The following HECW1 variants were observed in gnomAD, a reference collection of about 807,000 sequenced individuals.
HECW1 encodes HECT, C2 and WW domain containing E3 ubiquitin protein ligase 1, also known as E3 ubiquitin-protein ligase HECW1.
In HECW1, 61 loss-of-function variants were observed where a neutral mutation model predicts 182.3. That is an observed-to-expected ratio of 0.33 (90% CI 0.27 to 0.41). The LOEUF is 0.41. Ranked by LOEUF, HECW1 falls within the 10% of genes least tolerant of loss-of-function variation. The pLI, the probability that HECW1 is intolerant of heterozygous loss-of-function variation, is 1.00. For synonymous variants in HECW1, 859 were observed against 832.6 expected, an observed-to-expected ratio of 1.03 and a Z score of -0.55; for missense variants, 1,739 against 2,108.9, an observed-to-expected ratio of 0.82 and a Z score of 3.44.
At chr7:43,396,441 C>G (rs2075234460) in intron 6 of HECW1, among the ~76,000 whole-genome samples, 1 of 152,166 alleles carries the variant, frequency 6.6e-6, no homozygotes, top group Admixed American at 6.5e-5. Context: ...ATTATAATTA[C>G]AATAGTAAAC....
At chr7:43,527,595 C>T (rs1197935812) in intron 24 of HECW1, among the ~76,000 whole-genome samples, 2 of 152,134 alleles carry the variant, frequency 1.3e-5, no homozygotes, top group Non-Finnish European at 2.9e-5. Context: ...ATTATATCTT[C>T]AAAGACTCCT....
intron 3 of HECW1, among the ~76,000 whole-genome samples, chr7:43,275,937 A>G (rs1337475938): frequency 2.0e-5 from 3 of 152,184 alleles, no homozygotes; most frequent in African/African-American, 7.2e-5. Context: ...TTTTGTGGTT[A>G]AAATTGTTTC....
intron 5 of HECW1, among the ~76,000 whole-genome samples, chr7:43,351,676 T>C (rs1438545512): frequency 6.9e-6 from 1 of 145,370 alleles, no homozygotes; most frequent in African/African-American, 2.5e-5. Context: ...TTTTTCTTTC[T>C]TCTTTTTTTT....
At chr7:43,428,245 T>C (rs2076424051) in intron 8 of HECW1, among the ~76,000 whole-genome samples, 1 of 152,350 alleles carries the variant, frequency 6.6e-6, no homozygotes, top group African/African-American at 2.4e-5. Flanking sequence ...TGGTGTGAGT[T>C]GGGCTTTGAG....
intron 24 of HECW1, among the ~76,000 whole-genome samples, chr7:43,535,936 A>C (rs909439466): frequency 1.1e-4 from 16 of 152,228 alleles, no homozygotes; most frequent in Non-Finnish European, 2.4e-4. Context: ...GATACCAAAA[A>C]CAAAAACTTG....
At chr7:43,319,601 CT>C (rs796502195) in intron 4 of HECW1, among the ~76,000 whole-genome samples, 341 of 47,412 alleles carry the variant, frequency 7.2e-3, no homozygotes, top group African/African-American at 0.03. Flanking sequence ...CTTTTCTTTT[CT>C]TTTTTTTTTT....
intron 4 of HECW1, among the ~76,000 whole-genome samples, chr7:43,314,151 G>A (rs758622679): frequency 1.7e-4 from 26 of 152,134 alleles, no homozygotes; most frequent in Non-Finnish European, 2.5e-4. Context: ...GCATCTTCCC[G>A]CAGCTGGTGA....
intron 2 of HECW1, among the ~76,000 whole-genome samples, chr7:43,218,944 G>A (rs376891914): frequency 2.0e-4 from 30 of 152,126 alleles, no homozygotes; most frequent in African/African-American, 7.0e-4. Flanking sequence ...GAGCAGTGCC[G>A]GGGAGCCAAG....
chr7:43,269,018 C>T (rs1015192699), intron 3 of HECW1, among the ~76,000 whole-genome samples: 1 of 152,058 alleles, frequency 6.6e-6, no homozygotes, highest in African/African-American at 2.4e-5. Flanking sequence ...TTTAAGTAAA[C>T]AGTGCCACCC....
chr7:43,544,109 C>A (rs1156906220), intron 26 of HECW1, among the ~76,000 whole-genome samples: 1 of 152,118 alleles, frequency 6.6e-6, no homozygotes, highest in East Asian at 1.9e-4. Context: ...TTTAATCTTG[C>A]ACTAAAGAAT....
At chr7:43,119,050 A>G (rs1324585782) in intron 2 of HECW1, 1 of 152,298 alleles carries the variant, frequency 6.6e-6, no homozygotes, top group Non-Finnish European at 1.5e-5. Context: ...CAAACAGCAC[A>G]TTGAACATAT....
chr7:43,458,123 T>A (rs1323359183), intron 13 of HECW1, among the ~76,000 whole-genome samples: 1 of 152,148 alleles, frequency 6.6e-6, no homozygotes, highest in East Asian at 1.9e-4. Flanking sequence ...AAGATTCGTG[T>A]AACTAAAAAT....
At chr7:43,226,553 G>A (rs914583192) in intron 2 of HECW1, among the ~76,000 whole-genome samples, 5 of 152,172 alleles carry the variant, frequency 3.3e-5, no homozygotes, top group Non-Finnish European at 4.4e-5. Context: ...CTGACAGGTC[G>A]AAAACGACAG....
intron 2 of HECW1, among the ~76,000 whole-genome samples, chr7:43,175,569 G>A (rs974151120): frequency 2.6e-5 from 4 of 152,188 alleles, no homozygotes; most frequent in Admixed American, 6.5e-5. Context: ...GGTGCAGGTT[G>A]TGAATTTCCA....
At chr7:43,274,571 A>T in intron 3 of HECW1, 1 of 502,970 alleles carries the variant, frequency 2.0e-6, no homozygotes, top group Admixed American at 2.5e-5. Flanking sequence ...GAGGCCCAAC[A>T]TCTTCTTTTA....
At chr7:43,205,044 G>A (rs1307598023) in intron 2 of HECW1, among the ~76,000 whole-genome samples, 1 of 152,118 alleles carries the variant, frequency 6.6e-6, no homozygotes, top group Non-Finnish European at 1.5e-5. Context: ...CTAAGAAAGT[G>A]AGCTCAGAGG....
intron 4 of HECW1, among the ~76,000 whole-genome samples, chr7:43,312,977 T>G (rs1808721886): frequency 6.6e-6 from 1 of 152,216 alleles, no homozygotes; most frequent in Non-Finnish European, 1.5e-5. Context: ...ATTTGCACAT[T>G]CAGACACACA....
chr7:43,198,437 A>T (rs1794694707), intron 2 of HECW1, among the ~76,000 whole-genome samples: 1 of 143,424 alleles, frequency 7.0e-6, no homozygotes. Flanking sequence ...ACTCACATTC[A>T]CACACTCACC....
chr7:43,530,155 A>G (rs970928307), intron 24 of HECW1, among the ~76,000 whole-genome samples: 2 of 135,220 alleles, frequency 1.5e-5, no homozygotes, highest in African/African-American at 5.6e-5. Context: ...ATGGGGTTTC[A>G]CCACATTGGC....
Sources: allele counts gnomAD v4.1 joint callset (sites outside exome capture counted in the v4.1 genomes callset), GRCh38; gene constraint gnomAD v4.1.1; transcripts MANE v1.5; gene names NCBI Gene and HGNC (gene_info 2026-07-23, HGNC 2026-07-21).